DNM1L: variants seen among roughly 807,000 people sequenced by gnomAD.
The protein encoded by DNM1L is dynamin 1L.
DNM1L carries 33 observed loss-of-function variants against 92.8 expected under a neutral mutation model. The ratio of observed to expected loss-of-function variants is 0.36; its 90% CI spans 0.27 to 0.48. The LOEUF (loss-of-function observed/expected upper bound fraction) is 0.48, where lower values mean the gene tolerates loss of function less well. Ranked by LOEUF, DNM1L falls within the 20% of genes least tolerant of loss-of-function variation. The pLI is 0.99. For synonymous variants in DNM1L, 284 were observed against 305.0 expected (o/e 0.93, Z 0.72); for missense variants, 485 against 888.8 (o/e 0.55, Z 5.78).
intron 3 of DNM1L, 43 bp from the exon 4 acceptor site, chr12:32,708,110 T>A: frequency 8.2e-7 from 1 of 1,215,988 alleles, no homozygotes; most frequent in South Asian, 1.2e-5. Flanking sequence ...GAACTTTTGA[T>A]CTTATTTTGA....
chr12:32,726,479 A>T, intron 9 of DNM1L: 1 of 1,118,812 alleles, frequency 8.9e-7, no homozygotes, highest in African/African-American at 1.5e-5. Context: ...CTGCTTCTTC[A>T]CCTTCTTCAT....
At chr12:32,735,565 CA>C (rs970142202) in intron 13 of DNM1L, among the ~76,000 whole-genome samples, 3 of 151,796 alleles carry the variant, frequency 2.0e-5, no homozygotes, top group African/African-American at 4.8e-5. Flanking sequence ...AAATTTCTGT[CA>C]AAAAAAATTA....
At chr12:32,691,131 T>C (rs1156626686) in intron 1 of DNM1L, among the ~76,000 whole-genome samples, 1 of 152,202 alleles carries the variant, frequency 6.6e-6, no homozygotes, top group Non-Finnish European at 1.5e-5. Flanking sequence ...GAGGCCTTTT[T>C]CCTTGGCTCG....
chr12:32,717,463 AATATATAGTATATATATTATAT>A (rs1565518113), intron 6 of DNM1L, among the ~76,000 whole-genome samples: 3 of 68,560 alleles, frequency 4.4e-5, no homozygotes, highest in East Asian at 2.6e-4. Flanking sequence ...ATATATTTTA[AATATATAGTATATATATTATAT>A]ATATATAGTA....
chr12:32,691,594 T>G (rs1161754968), intron 1 of DNM1L, among the ~76,000 whole-genome samples: 1 of 152,184 alleles, frequency 6.6e-6, no homozygotes, highest in Non-Finnish European at 1.5e-5. Flanking sequence ...GCAAATATAG[T>G]CACATTCCGA....
chr12:32,706,675 CTT>C (rs1253550853), intron 2 of DNM1L: 1 of 455,386 alleles, frequency 2.2e-6, no homozygotes, highest in African/African-American at 2.0e-5. Flanking sequence ...CATTTTATTT[CTT>C]TCCTGCCTCC....
At chr12:32,736,174 C>A (rs1327463303) in intron 13 of DNM1L, among the ~76,000 whole-genome samples, 1 of 149,596 alleles carries the variant, frequency 6.7e-6, no homozygotes, top group Non-Finnish European at 1.5e-5. Context: ...TGGGTTCAAG[C>A]AGTTCTCCTG....
At chr12:32,685,671 AC>A (rs1299968104) in intron 1 of DNM1L, among the ~76,000 whole-genome samples, 7 of 151,756 alleles carry the variant, frequency 4.6e-5, no homozygotes, top group Non-Finnish European at 1.0e-4. Context: ...CCGTGGCTGC[AC>A]CATTTCACAT....
chr12:32,743,371 T>C lies in DNM1L; in HGVS notation c.2172T>C (p.Ser724=). ...ADMLKALQGA[S]QIIAEIRETH... ...TAATGCAGGCATTACAAGGAGCCAG[T>C]CAAATTATTGCTGAAATCCGGGAGA... is the stretch of plus-strand genomic sequence containing the variant. The change falls in exon 20 of 20, where the codon AGT becomes AGC. Residue 724 remains serine, a synonymous_variant. Transcript: ENST00000549701. 4 of 1,613,938 alleles carry C rather than the reference T, an allele frequency of 2.5e-6. No individual in the cohort carries two copies. Among genetic ancestry groups the C allele is most frequent in the Non-Finnish European group, 3.4e-6 (4 of 1,179,998 alleles).
At chr12:32,698,564 G>A (rs1186089058) in intron 1 of DNM1L, among the ~76,000 whole-genome samples, 9 of 152,144 alleles carry the variant, frequency 5.9e-5, no homozygotes, top group Non-Finnish European at 1.2e-4. Flanking sequence ...TCTAATTTGA[G>A]TGGGCCATCT....
At chr12:32,691,758 A>T (rs1259279552) in intron 1 of DNM1L, among the ~76,000 whole-genome samples, 1 of 152,182 alleles carries the variant, frequency 6.6e-6, no homozygotes, top group Non-Finnish European at 1.5e-5. Context: ...CAAAAGCCTG[A>T]TCATAGATGA....
chr12:32,679,597 G>GCTGGGGC, intron 1 of DNM1L, 132 bp downstream of exon 1: 1 of 1,433,634 alleles, frequency 7.0e-7, no homozygotes, highest in Non-Finnish European at 9.2e-7. Context: ...GGAGGGCCTT[G>GCTGGGGC]CTGGGGGCCC....
chr12:32,696,415 C>CAA (rs1555114879), intron 1 of DNM1L, among the ~76,000 whole-genome samples: 4 of 144,420 alleles, frequency 2.8e-5, no homozygotes, highest in South Asian at 2.3e-4. Context: ...CACACACACA[C>CAA]AATATAGTGA....
At chr12:32,704,974 G>A (rs1952862600) in intron 2 of DNM1L, among the ~76,000 whole-genome samples, 1 of 148,356 alleles carries the variant, frequency 6.7e-6, no homozygotes, top group African/African-American at 2.5e-5. Flanking sequence ...TTTTCCTGTA[G>A]TAGGTTATCA....
At chr12:32,694,595 G>A (rs1952363199) in intron 1 of DNM1L, among the ~76,000 whole-genome samples, 7 of 152,146 alleles carry the variant, frequency 4.6e-5, no homozygotes, top group Admixed American at 3.9e-4. Flanking sequence ...CCATATTAGG[G>A]ATCCTGGGAA....
intron 1 of DNM1L, among the ~76,000 whole-genome samples, chr12:32,681,364 A>G (rs1951794980): frequency 6.6e-6 from 1 of 152,152 alleles, no homozygotes; most frequent in Non-Finnish European, 1.5e-5. Flanking sequence ...CAGCCTGGGC[A>G]ACGTGGGGAA....
intron 6 of DNM1L, among the ~76,000 whole-genome samples, chr12:32,715,276 C>A (rs2137385608): frequency 1.3e-5 from 2 of 151,434 alleles, no homozygotes; most frequent in African/African-American, 4.8e-5. Flanking sequence ...TAATCATAAT[C>A]TAGTAATACA....
chr12:32,693,477 G>T (rs952147981), intron 1 of DNM1L, among the ~76,000 whole-genome samples: 1 of 152,002 alleles, frequency 6.6e-6, no homozygotes, highest in Non-Finnish European at 1.5e-5. Flanking sequence ...CTGTGGTTTT[G>T]TACATTTTGT....
At chr12:32,708,452 A>G (rs1448833850) in intron 4 of DNM1L, among the ~76,000 whole-genome samples, 2 of 152,204 alleles carry the variant, frequency 1.3e-5, no homozygotes, top group African/African-American at 4.8e-5. Flanking sequence ...AAGCTTTCAT[A>G]TAAATCAAAT....
Sources: gnomAD v4.1 joint callset for allele counts (sites outside exome capture counted in the v4.1 genomes callset) on GRCh38, gnomAD v4.1.1 for gene constraint, MANE v1.5 for transcripts, NCBI Gene and HGNC (gene_info 2026-07-23, HGNC 2026-07-21) for gene names.